The following DOK4 variants were observed in gnomAD, a reference collection of about 807,000 sequenced individuals.
DOK4 encodes downstream of tyrosine kinase 4.
DOK4 carries 26 observed loss-of-function variants against 40.1 expected under a neutral mutation model. That is an observed-to-expected ratio of 0.65 (90% CI 0.48 to 0.90). DOK4 has a LOEUF of 0.90. Ranked by LOEUF, DOK4 falls within the 40% of genes least tolerant of loss-of-function variation. DOK4 has a pLI of 0.00. For synonymous variants in DOK4, 179 were observed against 177.0 expected, an observed-to-expected ratio of 1.01 and a Z score of -0.09; for missense variants, 392 against 437.2, an observed-to-expected ratio of 0.90 and a Z score of 0.92.
chr16:57,482,726 A>T (rs142704694), intron 1 of DOK4, among the ~76,000 whole-genome samples: 46 of 152,198 alleles, frequency 3.0e-4, no homozygotes, highest in African/African-American at 1.0e-3. Flanking sequence ...GGGTCAAGTG[A>T]TCCACAAGGC....
exon 6 of DOK4, chr16:57,474,898 T>C (rs1231941452): frequency 6.2e-7 from 1 of 1,613,982 alleles, no homozygotes; most frequent in Non-Finnish European, 8.5e-7. Context: ...GTCCCAGAGG[T>C]AGATGTTCTC....
intron 1 of DOK4, chr16:57,481,331 C>T (rs1224702283): frequency 1.3e-5 from 2 of 152,400 alleles, no homozygotes; most frequent in Non-Finnish European, 2.9e-5. Context: ...TCCACTCCTG[C>T]CCATTCACTG....
At chr16:57,474,640 T>A in intron 6 of DOK4, 153 bp downstream of exon 6, 1 of 1,003,110 alleles carries the variant, frequency 1.0e-6, no homozygotes, top group Non-Finnish European at 1.4e-6. Flanking sequence ...CTCCATTTCA[T>A]TTCTTCGTCT....
intron 2 of DOK4, chr16:57,476,193 C>T: frequency 1.8e-6 from 1 of 546,278 alleles, no homozygotes; most frequent in South Asian, 2.0e-5. Flanking sequence ...CGCTGTTCCA[C>T]AAAGGGTGCT....
chr16:57,479,401 C>T lies in DOK4; in HGVS notation c.66+41G>A, dbSNP rs1190705043. On this transcript the variant is annotated intron_variant, in intron 2 of 8. Transcript: ENST00000340099. The surrounding 1 kb of genome is among the most constrained non-coding windows in gnomAD (Gnocchi z 5.8). ...GCCTGGGACCGAGTCCTCGGGCCCC[C>T]ATCCCTTGGCAGGGCCCCTCCGCAG... 1 of 1,608,242 alleles carries T rather than the reference C, an allele frequency of 6.2e-7. No individual in the cohort carries two copies. The highest frequency in any genetic ancestry group is 8.5e-7 in the Non-Finnish European group (1 of 1,177,002).
exon 9 of DOK4, chr16:57,473,356 C>T (rs1347350076): frequency 5.0e-6 from 8 of 1,603,312 alleles, no homozygotes; most frequent in South Asian, 3.3e-5. Flanking sequence ...CAGCAGTCAT[C>T]GGTGCTCGCC....
chr16:57,474,852 G>A (rs1327812240), exon 6 of DOK4: 1 of 1,614,046 alleles, frequency 6.2e-7, no homozygotes. Context: ...GTGAGCAGAG[G>A]GGCCACGAGA....
In DOK4 at chr16:57,475,822, G is replaced by T. The variant is rs1009993704; in HGVS notation, c.174+28C>A. ...TCCATCCCCCACAGCCCTGCCACTT[G>T]GGGGAGCTAGGGCCCAGGCCTCCTA... On this transcript the variant is annotated intron_variant, in intron 3 of 8. Coordinates refer to ENST00000340099, the Ensembl canonical transcript of DOK4. 24 of 1,584,676 alleles carry T rather than the reference G, an allele frequency of 1.5e-5. No homozygotes were observed. The East Asian group carries it at 1.6e-4, about 11-fold the overall frequency.
intron 1 of DOK4, chr16:57,484,135 T>G (rs1162773182): frequency 6.6e-6 from 1 of 152,292 alleles, no homozygotes; most frequent in Non-Finnish European, 1.5e-5. Flanking sequence ...GCACATGGAT[T>G]CTGCCTGGAG....
chr16:57,477,036 A>G (rs2031211335), intron 2 of DOK4, among the ~76,000 whole-genome samples: 1 of 152,218 alleles, frequency 6.6e-6, no homozygotes, highest in Non-Finnish European at 1.5e-5. Flanking sequence ...AGCCCGACAG[A>G]GCCTGTTCCC....
chr16:57,481,705 ATCCAGCTGGCTGTGTGG>A (rs1447509405), intron 1 of DOK4: 1 of 152,216 alleles, frequency 6.6e-6, no homozygotes. Context: ...CGGAGTGTGA[ATCCAGCTGGCTGTGTGG>A]TCCTGGGCAA....
exon 6 of DOK4, chr16:57,474,933 G>C (rs755687584): frequency 6.2e-7 from 1 of 1,613,642 alleles, no homozygotes; most frequent in African/African-American, 1.3e-5. Flanking sequence ...GCTTGCACTC[G>C]CCATACACGT....
At chr16:57,477,921 T>G (rs1161415637) in intron 2 of DOK4, among the ~76,000 whole-genome samples, 3 of 152,328 alleles carry the variant, frequency 2.0e-5, no homozygotes, top group African/African-American at 7.2e-5. Flanking sequence ...ATCCAGGCTG[T>G]GCCCACCTGT....
exon 9 of DOK4, chr16:57,473,280 T>C (rs1198266623): frequency 1.2e-5 from 18 of 1,479,926 alleles, no homozygotes; most frequent in African/African-American, 5.6e-5. Flanking sequence ...TTCTCCAGGC[T>C]CTTGGCCGAC....
In DOK4 at chr16:57,473,892, C is replaced by T; in HGVS notation, c.738+9G>A. ...CCCCCGTACCCTGGACTGATGCCCGCTGCCTCACCCTCACGTTCTTCTCCA... is the reference window on the plus strand; with the variant it reads ...CCCCCGTACCCTGGACTGATGCCCGTTGCCTCACCCTCACGTTCTTCTCCA... On this transcript the variant is annotated intron_variant, in intron 7 of 8. Coordinates refer to ENST00000340099, the Ensembl canonical transcript of DOK4. 1 of 1,612,942 alleles carries T rather than the reference C, an allele frequency of 6.2e-7. No homozygotes were observed. The highest frequency in any genetic ancestry group is 8.5e-7 in the Non-Finnish European group (1 of 1,179,704).
At position 57,479,119 on chromosome 16, in the gene DOK4, C is replaced by A. The variant is rs538407583; in HGVS notation, c.66+323G>T. ...ACACAGCCCGGCCTTGCCAGCCGCC[C>A]CTGCTGCTGCTGTGGTGACAACTTC... On this transcript the variant is annotated intron_variant, in intron 2 of 8. Coordinates refer to ENST00000340099, the Ensembl canonical transcript of DOK4. The surrounding 1 kb of genome is among the most constrained non-coding windows in gnomAD (Gnocchi z 5.8). Among the ~76,000 whole-genome samples, 2 of 152,326 alleles carry A rather than the reference C, an allele frequency of 1.3e-5. No individual in the cohort carries two copies. Among genetic ancestry groups the A allele is most frequent in the East Asian group, 3.9e-4 (2 of 5,172 alleles).
chr16:57,473,944 T>C, exon 7 of DOK4: 1 of 1,609,990 alleles, frequency 6.2e-7, no homozygotes, highest in Non-Finnish European at 8.5e-7. Flanking sequence ...CTTGTGCTGC[T>C]CTGCGATGGC....
chr16:57,475,497 G>T lies in DOK4; in HGVS notation c.289+9C>A. Reference sequence around the variant, plus strand: ...GGGAGGCAGATGGAGGCCCATACTCGCGCCTCACCTGAGTCGCAGGTGAAG... The same window carrying T: ...GGGAGGCAGATGGAGGCCCATACTCTCGCCTCACCTGAGTCGCAGGTGAAG... On this transcript the variant is annotated intron_variant, in intron 4 of 8. Transcript: ENST00000340099. 1 of 1,596,542 alleles carries T rather than the reference G, an allele frequency of 6.3e-7. No individual in the cohort carries two copies. The highest frequency in any genetic ancestry group is 1.1e-5 in the South Asian group (1 of 89,234).
intron 1 of DOK4, chr16:57,480,203 C>T (rs1161562508): frequency 6.6e-6 from 1 of 152,224 alleles, no homozygotes; most frequent in Admixed American, 6.5e-5. Flanking sequence ...TCTGAGTGAA[C>T]CCCATGCTCT....
Sources: gnomAD v4.1 joint callset for allele counts (sites outside exome capture counted in the v4.1 genomes callset) on GRCh38, gnomAD v4.1.1 for gene constraint, Gnocchi (gnomAD v3.1) non-coding constraint, MANE v1.5 for transcripts, NCBI Gene and HGNC (gene_info 2026-07-23, HGNC 2026-07-21) for gene names.